Variants in UNK observed in about 807,000 individuals in gnomAD.
UNK encodes RING finger protein unkempt homolog.
A neutral mutation model predicts 97.6 loss-of-function variants in UNK; 32 were observed. The ratio of observed to expected loss-of-function variants is 0.33; its 90% CI spans 0.25 to 0.44. The LOEUF is 0.44. Ranked by LOEUF, UNK falls within the 20% of genes least tolerant of loss-of-function variation. The pLI is 1.00. For missense variants in UNK, 771 were observed against 1,098.4 expected (o/e 0.70, Z 4.21); for synonymous variants, 441 against 461.2 (o/e 0.96, Z 0.56).
At chr17:75,804,727 C>T (rs1214974552) in intron 1 of UNK, among the ~76,000 whole-genome samples, 1 of 151,886 alleles carries the variant, frequency 6.6e-6, no homozygotes, top group Non-Finnish European at 1.5e-5. Flanking sequence ...GTAATCCCAG[C>T]TACTCGGGAG....
rs932978392 is a variant in UNK at position 75,821,043 on chromosome 17, A to T, written c.1837+935A>T. On this transcript the variant is annotated intron_variant, in intron 13 of 15. Transcript: ENST00000589666. Reference sequence around the variant, plus strand: ...TTTTTCGGACTTGCCCCATATTCGGATAGGATCTGTTTTTTTTTTTTCGAG... The same window carrying T: ...TTTTTCGGACTTGCCCCATATTCGGTTAGGATCTGTTTTTTTTTTTTCGAG... Among the ~76,000 whole-genome samples, 4 of 130,008 alleles carry T rather than the reference A, an allele frequency of 3.1e-5. No homozygotes were observed. In the Admixed American group the frequency reaches 3.6e-4, roughly 12 times the overall value. The allele number at this position is 130,008 out of a possible 152,430, so 85.3% of individuals were successfully genotyped here.
chr17:75,786,750 A>T (rs2061715492), intron 1 of UNK, among the ~76,000 whole-genome samples: 1 of 152,120 alleles, frequency 6.6e-6, no homozygotes, highest in Admixed American at 6.5e-5. Flanking sequence ...CCAGCTACTC[A>T]GGAGGCTGAG....
Position 75,817,495 on chromosome 17 carries a change from G to C in UNK, c.1274G>C (p.Gly425Ala). 1 of 1,611,690 alleles carries C rather than the reference G, an allele frequency of 6.2e-7. No individual in the cohort carries two copies. Among genetic ancestry groups the C allele is most frequent in the Non-Finnish European group, 8.5e-7 (1 of 1,178,676 alleles). The change falls in exon 9 of 16, where the codon GGA becomes GCA. Residue 425 changes from glycine (G) to alanine (A), a missense_variant. Gly to Ala is a moderately conservative substitution (Grantham distance 60). This residue lies in a region of UNK where 192 missense variants were observed against 202.4 expected (regional missense o/e 0.95). Transcript: ENST00000589666. The surrounding 1 kb of genome is among the most constrained non-coding windows in gnomAD (Gnocchi z 5.8). Reference protein sequence around the residue: ...APGFEREDQVGAEYLKNFKCQ... With the variant: ...APGFEREDQVAAEYLKNFKCQ... The stretch of plus-strand genomic sequence containing the variant: ...GGCTTCGAGAGGGAAGACCAGGTGG[G>C]AGCCGAGTACCTGAAAAATTTCAAA...
chr17:75,798,745 C>T (rs2061829288), intron 1 of UNK, among the ~76,000 whole-genome samples: 1 of 152,038 alleles, frequency 6.6e-6, no homozygotes, highest in Non-Finnish European at 1.5e-5. Flanking sequence ...GTGGCTCATA[C>T]CTGTAATCCC....
In UNK at chr17:75,824,019, A is replaced by G. The variant is rs967568431; in HGVS notation, c.2278-243A>G. On this transcript the variant is annotated intron_variant, in intron 15 of 15. Transcript: ENST00000589666. This position sits in a 1 kb window ranked among gnomAD's most constrained non-coding sequence, Gnocchi z 4.9. ...CTCATTTTCCCCATCTGGGGATTAC[A>G]AGGTCAAATGAGACTGGGCGAAGCC... Among the ~76,000 whole-genome samples the G allele has an allele frequency of 3.9e-5, 6 of 152,130 alleles. No homozygotes were observed. Among genetic ancestry groups the G allele is most frequent in the Non-Finnish European group, 7.4e-5 (5 of 68,020 alleles).
At chr17:75,801,419 G>A (rs949829757) in intron 1 of UNK, among the ~76,000 whole-genome samples, 1 of 152,138 alleles carries the variant, frequency 6.6e-6, no homozygotes, top group Non-Finnish European at 1.5e-5. Context: ...TTGGGAGACC[G>A]AGGCAGGAGG....
chr17:75,790,943 A>G (rs558347318), intron 1 of UNK, among the ~76,000 whole-genome samples: 12 of 152,322 alleles, frequency 7.9e-5, no homozygotes, highest in Non-Finnish European at 1.8e-4. Flanking sequence ...CTGGCTTGAA[A>G]AAAATAATAA....
chr17:75,812,511 T>C lies in UNK; in HGVS notation c.548T>C (p.Ile183Thr). 1 of 1,612,684 alleles carries C rather than the reference T, an allele frequency of 6.2e-7. No individual in the cohort carries two copies. Among genetic ancestry groups the C allele is most frequent in the Non-Finnish European group, 8.5e-7 (1 of 1,179,762 alleles). The change falls in exon 4 of 16, where the codon ATA becomes ACA. Residue 183 changes from isoleucine to threonine, a missense_variant. Ile to Thr is a moderately conservative substitution (Grantham distance 89, BLOSUM62 -1). Coordinates refer to ENST00000589666, the MANE Select transcript of UNK (RefSeq NM_001080419.3). ...QNGQTTVEGS[I>T]EGQSAGAASH... The stretch of plus-strand genomic sequence containing the variant: ...GGCCAGACCACGGTAGAGGGGAGCA[T>C]AGAGGGCCAGTCGGCTGGGGCTGCG...
chr17:75,798,066 C>CT (rs776246418), intron 1 of UNK, among the ~76,000 whole-genome samples: 3,580 of 129,118 alleles, frequency 0.028, 193 homozygotes, highest in African/African-American at 0.092. Flanking sequence ...GACCACAGCT[C>CT]TTTTTTTTTT....
chr17:75,799,931 C>G (rs1372780657), intron 1 of UNK, among the ~76,000 whole-genome samples: 2 of 151,990 alleles, frequency 1.3e-5, no homozygotes, highest in African/African-American at 4.8e-5. Context: ...CCTGCTCAGG[C>G]AATACAGCGA....
In UNK at chr17:75,821,482, G is replaced by C. The variant is rs763428287; in HGVS notation, c.1838-995G>C. On this transcript the variant is annotated intron_variant, in intron 13 of 15. Coordinates refer to ENST00000589666, the MANE Select transcript of UNK (RefSeq NM_001080419.3). ...GGACAGGAGAGCTTGCTGCAGGGCT[G>C]GTCTCATGTGGGTGGGGTGACCCTG... 10 of 438,816 alleles carry C rather than the reference G, an allele frequency of 2.3e-5. 1 individual carries two copies. The highest frequency in any genetic ancestry group is 1.6e-4 in the South Asian group (10 of 61,604). The allele number at this position is 438,816 out of a possible 1,614,324, so 27.2% of individuals were successfully genotyped here. A position where few individuals can be genotyped will look rare whatever the true frequency, so the allele number is the denominator to read the frequency against.
At position 75,817,236 on chromosome 17, in the gene UNK, T is replaced by G; in HGVS notation, c.1105-90T>G. On this transcript the variant is annotated intron_variant, in intron 8 of 15. Transcript: ENST00000589666. This position sits in a 1 kb window ranked among gnomAD's most constrained non-coding sequence, Gnocchi z 5.8. ...CAGATGAAAGTGGAACTGAGCCCCT[T>G]GAAGACTCCCTCTGGAGAGGGTGGA... The G allele has an allele frequency of 1.4e-6, 2 of 1,384,496 alleles. No individual in the cohort carries two copies. Among genetic ancestry groups the G allele is most frequent in the Non-Finnish European group, 1.9e-6 (2 of 1,028,460 alleles). The allele number at this position is 1,384,496 out of a possible 1,614,324, so 85.8% of individuals were successfully genotyped here.
chr17:75,784,887 A>C lies in UNK; in HGVS notation c.7A>C (p.Lys3Gln). 2 of 1,593,400 alleles carry C rather than the reference A, an allele frequency of 1.3e-6. No individual in the cohort carries two copies. Among genetic ancestry groups the C allele is most frequent in the Non-Finnish European group, 1.7e-6 (2 of 1,171,554 alleles). Residue 3 changes from lysine (K) to glutamine (Q), a missense_variant, in exon 1 of 16, where the codon AAG (lysine) becomes CAG (glutamine). This residue lies in a region of UNK where 34 missense variants were observed against 24.7 expected (regional missense o/e 1.37). Coordinates refer to ENST00000589666, the MANE Select transcript of UNK (RefSeq NM_001080419.3). The stretch of plus-strand genomic sequence containing the variant: ...GAGGCAGGAAGACAAGACCATGTCG[A>C]AGGGCCCCGGGCCCGGCGGCTCCGC... MS[K>Q]GPGPGGSAAS...
At position 75,818,604 on chromosome 17, in the gene UNK, G is replaced by A; in HGVS notation, c.1372-38G>A. On this transcript the variant is annotated intron_variant, in intron 10 of 15. Coordinates refer to ENST00000589666, the MANE Select transcript of UNK (RefSeq NM_001080419.3). This position sits in a 1 kb window ranked among gnomAD's most constrained non-coding sequence, Gnocchi z 5.1. Reference sequence around the variant, plus strand: ...CTCTCGTCCTGGCCTCCGTATGCAGGCCTACCATTGCTTCTCCTCTTCCCT... The same window carrying A: ...CTCTCGTCCTGGCCTCCGTATGCAGACCTACCATTGCTTCTCCTCTTCCCT... The A allele has an allele frequency of 4.5e-6, 7 of 1,558,552 alleles. No homozygotes were observed. The highest frequency in any genetic ancestry group is 6.1e-6 in the Non-Finnish European group (7 of 1,149,216).
intron 1 of UNK, among the ~76,000 whole-genome samples, chr17:75,786,935 T>G (rs2061717711): frequency 6.6e-6 from 1 of 152,176 alleles, no homozygotes; most frequent in Admixed American, 6.5e-5. Context: ...GGGACCTGGC[T>G]CTTGAGGTGT....
Position 75,784,879 on chromosome 17 carries a change from C to G in UNK, c.-2C>G, listed in dbSNP as rs1156636509. 1 of 1,598,178 alleles carries G rather than the reference C, an allele frequency of 6.3e-7. No homozygotes were observed. Among genetic ancestry groups the G allele is most frequent in the Non-Finnish European group, 8.5e-7 (1 of 1,173,584 alleles). On this transcript the variant is annotated 5_prime_UTR_variant, in exon 1 of 16. Coordinates refer to ENST00000589666, the MANE Select transcript of UNK (RefSeq NM_001080419.3). ...GCGGCGAAGAGGCAGGAAGACAAGA[C>G]CATGTCGAAGGGCCCCGGGCCCGGC...
intron 1 of UNK, chr17:75,791,941 C>T: frequency 2.0e-6 from 2 of 985,382 alleles, no homozygotes; most frequent in South Asian, 9.4e-5. Context: ...GCAAATAGCA[C>T]CCCAGATAAG....
At chr17:75,821,373 T>C in intron 13 of UNK, 1 of 456,374 alleles carries the variant, frequency 2.2e-6, no homozygotes, top group South Asian at 1.5e-5. Context: ...GCCCAGCCAT[T>C]GGGATCCTCC....
intron 1 of UNK, among the ~76,000 whole-genome samples, chr17:75,801,139 A>G (rs184790677): frequency 3.6e-4 from 54 of 151,750 alleles, no homozygotes; most frequent in African/African-American, 1.2e-3. Context: ...TCCTGACCTC[A>G]TGATCCGCCC....
Sources: allele counts gnomAD v4.1 joint callset (sites outside exome capture counted in the v4.1 genomes callset), GRCh38; gene constraint gnomAD v4.1.1; regional missense constraint gnomAD v4.1.1; non-coding constraint Gnocchi (gnomAD v3.1); transcripts MANE v1.5; gene names NCBI Gene and HGNC (gene_info 2026-07-23, HGNC 2026-07-21).